SOCS4: variants seen among roughly 807,000 people sequenced by gnomAD.
The protein encoded by SOCS4 is SH2 domain containing SOCS box protein.
A neutral mutation model predicts 34.1 loss-of-function variants in SOCS4; 20 were observed. That is an observed-to-expected ratio of 0.59 (90% CI 0.41 to 0.85). The LOEUF (loss-of-function observed/expected upper bound fraction) is 0.85, where lower values mean the gene tolerates loss of function less well. Among genes scored for constraint, SOCS4 ranks in the 40% least tolerant of loss-of-function variants. SOCS4 has a pLI of 0.00. For missense variants in SOCS4, 479 were observed against 532.4 expected (o/e 0.90, Z 0.99); for synonymous variants, 180 against 186.4 (o/e 0.97, Z 0.28).
intron 2 of SOCS4, among the ~76,000 whole-genome samples, chr14:55,039,878 A>G (rs372184556): frequency 1.3e-5 from 2 of 152,240 alleles, no homozygotes; most frequent in African/African-American, 4.8e-5. Flanking sequence ...CCCAGGCAAC[A>G]GAGCAAGACT....
chr14:55,040,339 A>G (rs1230983811), intron 2 of SOCS4, among the ~76,000 whole-genome samples: 1 of 152,220 alleles, frequency 6.6e-6, no homozygotes, highest in Non-Finnish European at 1.5e-5. Flanking sequence ...TGGATGTTCA[A>G]ATCCCTTAAA....
At position 55,046,951 on chromosome 14, in the gene SOCS4, G is replaced by A. The variant is rs990795971; in HGVS notation, c.*2587G>A. On this transcript the variant is annotated 3_prime_UTR_variant, in exon 3 of 3. Transcript: ENST00000555846. ...ATTCAGAAACTAACCTATATAAAAT[G>A]TAAACAATATATTGATTGCACTATA... 6.0e-6 allele frequency: 1 copy of A among 167,012 alleles called. No individual in the cohort carries two copies. Among genetic ancestry groups the A allele is most frequent in the Non-Finnish European group, 1.5e-5 (1 of 68,064 alleles). 10.3% of individuals were successfully genotyped at this position (167,012 alleles called of 1,614,324 possible).
chr14:55,044,948 A>T lies in SOCS4; in HGVS notation c.*584A>T, dbSNP rs1468418772. The T allele has an allele frequency of 6.0e-6, 1 of 167,042 alleles. No homozygotes were observed. The highest frequency in any genetic ancestry group is 2.4e-5 in the African/African-American group (1 of 41,462). The allele number at this position is 167,042 out of a possible 1,614,324, so 10.3% of individuals were successfully genotyped here. A position where few individuals can be genotyped will look rare whatever the true frequency, so the allele number is the denominator to read the frequency against. ...TGTTAAAAGTAACAAAACCAAGTCA[A>T]ACTTGGTGTATTTTTATTTTAAATA... is the stretch of plus-strand genomic sequence containing the variant. On this transcript the variant is annotated 3_prime_UTR_variant, in exon 3 of 3. Coordinates refer to ENST00000555846, the MANE Select transcript of SOCS4 (RefSeq NM_199421.2).
At position 55,046,939 on chromosome 14, in the gene SOCS4, C is replaced by T. The variant is rs936757598; in HGVS notation, c.*2575C>T. The T allele has an allele frequency of 3.0e-5, 5 of 166,826 alleles. No individual in the cohort carries two copies. The highest frequency in any genetic ancestry group is 1.2e-4 in the African/African-American group (5 of 41,386). 10.3% of individuals were successfully genotyped at this position (166,826 alleles called of 1,614,324 possible). A position where few individuals can be genotyped will look rare whatever the true frequency, so the allele number is the denominator to read the frequency against. On this transcript the variant is annotated 3_prime_UTR_variant, in exon 3 of 3. Coordinates refer to ENST00000555846, the MANE Select transcript of SOCS4 (RefSeq NM_199421.2). ...AGAACATACAGTATTCAGAAACTAA[C>T]CTATATAAAATGTAAACAATATATT...
chr14:55,042,129 C>T (rs1415054624), intron 2 of SOCS4, among the ~76,000 whole-genome samples: 1 of 152,066 alleles, frequency 6.6e-6, no homozygotes, highest in East Asian at 1.9e-4. Context: ...AAGTAAATTC[C>T]ATTTACAAAC....
At chr14:55,029,035 T>C (rs888295821) in intron 1 of SOCS4, among the ~76,000 whole-genome samples, 1 of 152,220 alleles carries the variant, frequency 6.6e-6, no homozygotes, top group Non-Finnish European at 1.5e-5. Context: ...TAAATAATTA[T>C]CCAGTAAATT....
rs1429216931 is a variant in SOCS4 at position 55,046,201 on chromosome 14, C to T, written c.*1837C>T. 6.0e-6 allele frequency: 1 copy of T among 166,828 alleles called. No individual in the cohort carries two copies. The highest frequency in any genetic ancestry group is 1.5e-5 in the Non-Finnish European group (1 of 67,996). The allele number at this position is 166,828 out of a possible 1,614,324, so 10.3% of individuals were successfully genotyped here. ...TTACCTTTTACAAGGTTAGAAAAGT[C>T]TCATACTACCTCATCTTTATTGTGG... On this transcript the variant is annotated 3_prime_UTR_variant, in exon 3 of 3. Transcript: ENST00000555846.
intron 2 of SOCS4, among the ~76,000 whole-genome samples, chr14:55,033,739 C>G (rs1347233680): frequency 1.3e-5 from 2 of 152,194 alleles, no homozygotes; most frequent in Non-Finnish European, 2.9e-5. Context: ...AATTAGCAGA[C>G]CTTGCATGTT....
At position 55,044,054 on chromosome 14, in the gene SOCS4, G is replaced by A. The variant is rs1226839295; in HGVS notation, c.1013G>A (p.Trp338Ter). ...TCTCTTCATGCTAGAATTGAACAGTGGAATCACAACTTTAGCTTTGATGCA... is the reference window on the plus strand; with the variant it reads ...TCTCTTCATGCTAGAATTGAACAGTAGAATCACAACTTTAGCTTTGATGCA... ...SRSLHARIEQ[W>*]NHNFSFDAHD... The change falls in exon 3 of 3, where the codon TGG (tryptophan) becomes TAG (stop). Residue 338 changes from tryptophan to a stop codon, truncating the protein, a stop_gained. Coordinates refer to ENST00000555846, the MANE Select transcript of SOCS4 (RefSeq NM_199421.2). LOFTEE classifies it high-confidence loss of function. 2 of 1,613,938 alleles carry A rather than the reference G, an allele frequency of 1.2e-6. No individual in the cohort carries two copies. Among genetic ancestry groups the A allele is most frequent in the African/African-American group, 2.7e-5 (2 of 74,884 alleles).
rs1459094198 is a variant in SOCS4 at position 55,035,153 on chromosome 14, G to T, written c.-91+3162G>T. Among the ~76,000 whole-genome samples the T allele has an allele frequency of 7.9e-5, 12 of 152,170 alleles. 2 individuals carry two copies. The highest frequency in any genetic ancestry group is 7.9e-4 in the Admixed American group (12 of 15,274). On this transcript the variant is annotated intron_variant, in intron 2 of 2. Coordinates refer to ENST00000555846, the MANE Select transcript of SOCS4 (RefSeq NM_199421.2). Reference sequence around the variant, plus strand: ...TGGGATTACAGACATGAGCCACCGTGCCCGGCCTGCATTAGCTCTTTAAGT... The same window carrying T: ...TGGGATTACAGACATGAGCCACCGTTCCCGGCCTGCATTAGCTCTTTAAGT...
intron 2 of SOCS4, among the ~76,000 whole-genome samples, chr14:55,041,703 G>A (rs2140247966): frequency 6.7e-6 from 1 of 148,368 alleles, no homozygotes; most frequent in East Asian, 2.0e-4. Context: ...TCGAACTCCT[G>A]ACCTCATGAT....
Position 55,027,284 on chromosome 14 carries a change from A to G in SOCS4, c.-407A>G, listed in dbSNP as rs538524166. 10 of 195,336 alleles carry G rather than the reference A, an allele frequency of 5.1e-5. No individual in the cohort carries two copies. The South Asian group carries it at 8.6e-4, about 17-fold the overall frequency. The allele number at this position is 195,336 out of a possible 1,614,324, so 12.1% of individuals were successfully genotyped here. ...GGAACCGGCGGAGGCGATGACCGTG[A>G]CGGCTGGGTTGGGACCGGAACGCCG... On this transcript the variant is annotated 5_prime_UTR_variant, in exon 1 of 3. Transcript: ENST00000555846.
At chr14:55,029,490 C>G (rs2042509013) in intron 1 of SOCS4, among the ~76,000 whole-genome samples, 1 of 152,070 alleles carries the variant, frequency 6.6e-6, no homozygotes, top group Non-Finnish European at 1.5e-5. Context: ...TATTTTTGCT[C>G]CCAAGGACAA....
chr14:55,042,862 C>G, intron 2 of SOCS4, 90 bp from the exon 3 acceptor site: 1 of 572,110 alleles, frequency 1.7e-6, no homozygotes, highest in South Asian at 2.4e-5. Flanking sequence ...ACTAACTGTG[C>G]TTTTCCCTCT....
Position 55,044,192 on chromosome 14 carries a change from C to T in SOCS4, c.1151C>T (p.Thr384Ile). The T allele has an allele frequency of 6.2e-7, 1 of 1,614,116 alleles. No homozygotes were observed. ...CTTCTATCCACTCCCTTAATTCGGA[C>T]TTTCCCTTTTTCCCTGCAGCATATA... ...EPLLSTPLIRTFPFSLQHICR... is the reference protein window; with the variant it reads ...EPLLSTPLIRIFPFSLQHICR... Residue 384 changes from threonine (T) to isoleucine (I), a missense_variant, in exon 3 of 3, where the codon ACT becomes ATT. By Grantham distance (89) the Thr-to-Ile change is moderately conservative. Transcript: ENST00000555846.
chr14:55,038,365 CTG>C (rs2042590589), intron 2 of SOCS4, among the ~76,000 whole-genome samples: 1 of 152,162 alleles, frequency 6.6e-6, no homozygotes, highest in African/African-American at 2.4e-5. Flanking sequence ...TGCCTGGAAG[CTG>C]TGTGTGAGTA....
At chr14:55,040,604 C>T (rs566447452) in intron 2 of SOCS4, among the ~76,000 whole-genome samples, 4 of 151,958 alleles carry the variant, frequency 2.6e-5, no homozygotes, top group Admixed American at 6.6e-5. Flanking sequence ...ATTAGCCGGG[C>T]GTGGTGGTGG....
chr14:55,048,331 A>G lies in SOCS4; in HGVS notation c.*3967A>G, dbSNP rs1340963219. ...ATTTTGGTAAAGCAAATTTCACAGGAAAATAGACAAAATTATAAGAGATTC... is the reference window on the plus strand; with the variant it reads ...ATTTTGGTAAAGCAAATTTCACAGGGAAATAGACAAAATTATAAGAGATTC... On this transcript the variant is annotated 3_prime_UTR_variant, in exon 3 of 3. Transcript: ENST00000555846. The G allele has an allele frequency of 6.0e-6, 1 of 167,112 alleles. No homozygotes were observed. The highest frequency in any genetic ancestry group is 2.4e-5 in the African/African-American group (1 of 41,474). The allele number at this position is 167,112 out of a possible 1,614,324, so 10.4% of individuals were successfully genotyped here. A position where few individuals can be genotyped will look rare whatever the true frequency, so the allele number is the denominator to read the frequency against.
rs1167676813 is a variant in SOCS4 at position 55,044,398 on chromosome 14, A to T, written c.*34A>T. The stretch of plus-strand genomic sequence containing the variant: ...TGGGAACATGGGAATGATAATATAT[A>T]TTTTTTCTTTTAATATTTTATTTTT... On this transcript the variant is annotated 3_prime_UTR_variant, in exon 3 of 3. Transcript: ENST00000555846. The T allele has an allele frequency of 1.2e-5, 16 of 1,328,552 alleles. No individual in the cohort carries two copies. The highest frequency in any genetic ancestry group is 1.6e-5 in the Non-Finnish European group (16 of 1,029,056). The allele number at this position is 1,328,552 out of a possible 1,614,324, so 82.3% of individuals were successfully genotyped here. A position where few individuals can be genotyped will look rare whatever the true frequency, so the allele number is the denominator to read the frequency against.
Sources: allele counts gnomAD v4.1 joint callset (sites outside exome capture counted in the v4.1 genomes callset), GRCh38; gene constraint gnomAD v4.1.1; transcripts MANE v1.5; gene names NCBI Gene and HGNC (gene_info 2026-07-23, HGNC 2026-07-21).